Variants in HSPH1 observed in about 807,000 individuals in gnomAD.
The protein encoded by HSPH1 is heat shock protein 105 kDa.
Under a neutral mutation model 100.0 loss-of-function variants are expected in HSPH1, and 40 were observed. The observed-to-expected ratio is 0.40, with a 90% CI of 0.31 to 0.52. The LOEUF (loss-of-function observed/expected upper bound fraction) is 0.52. Ranked by LOEUF, HSPH1 falls within the 20% of genes least tolerant of loss-of-function variation. The pLI, the probability that HSPH1 is intolerant of heterozygous loss-of-function variation, is 0.54. For synonymous variants in HSPH1, 403 were observed against 344.0 expected, an observed-to-expected ratio of 1.17 and a Z score of -1.90; for missense variants, 876 against 1,015.1, an observed-to-expected ratio of 0.86 and a Z score of 1.86.
At chr13:31,153,089 T>C in intron 4 of HSPH1, 138 bp from the exon 5 acceptor site, 1 of 594,510 alleles carries the variant, frequency 1.7e-6, no homozygotes. Context: ...AGGGCTTTAG[T>C]TTTCTGCAAG....
intron 12 of HSPH1, among the ~76,000 whole-genome samples, chr13:31,141,884 T>C (rs1007970372): frequency 2.0e-5 from 3 of 151,740 alleles, no homozygotes; most frequent in Admixed American, 6.6e-5. Context: ...CTTTGCAAGG[T>C]AAAAAGAGAT....
intron 4 of HSPH1, chr13:31,154,184 G>A (rs1956591785): frequency 4.9e-6 from 1 of 206,022 alleles, no homozygotes; most frequent in Non-Finnish European, 1.0e-5. Flanking sequence ...AGTCTAACTA[G>A]TAATTGTCCA....
rs1955921096 is a variant in HSPH1, at chr13:31,137,429, A to G, written c.2466T>C (p.Asp822=). The change falls in exon 18 of 18, where the codon GAT becomes GAC. Residue 822 remains aspartate (D), a synonymous_variant. Transcript: ENST00000320027. Reference sequence around the variant, plus strand: ...TGTCTTCTAAATCTTCTTCCTTTTTATCAATATTTGGGCCATTTGGAGTTC... The same window carrying G: ...TGTCTTCTAAATCTTCTTCCTTTTTGTCAATATTTGGGCCATTTGGAGTTC... ...LERTPNGPNI[D]KKEEDLEDKN... The G allele has an allele frequency of 6.2e-7, 1 of 1,613,492 alleles. No individual in the cohort carries two copies. The highest frequency in any genetic ancestry group is 8.5e-7 in the Non-Finnish European group (1 of 1,179,596).
At chr13:31,152,340 AATC>A (rs1157444066) in intron 5 of HSPH1, 1 of 152,818 alleles carries the variant, frequency 6.5e-6, no homozygotes, top group Non-Finnish European at 1.5e-5. Flanking sequence ...GTTCATCTGT[AATC>A]ATAATAAACT....
At chr13:31,145,461 C>A (rs1956234626) in intron 11 of HSPH1, 102 bp downstream of exon 11, 1 of 820,824 alleles carries the variant, frequency 1.2e-6, no homozygotes. Flanking sequence ...CAAAATTATT[C>A]ATGAAGGAAA....
At chr13:31,148,599 ATTCCAGAATTGT>A (rs1302100330) in intron 8 of HSPH1, 119 bp from the exon 9 acceptor site, 1 of 495,552 alleles carries the variant, frequency 2.0e-6, no homozygotes, top group Non-Finnish European at 3.5e-6. Context: ...AACAACTCAC[ATTCCAGAATTGT>A]TTCCAGTATA....
chr13:31,140,119 G>A, intron 14 of HSPH1, 65 bp downstream of exon 14: 5 of 1,430,330 alleles, frequency 3.5e-6, no homozygotes, highest in Non-Finnish European at 4.7e-6. Flanking sequence ...AGCCTCAACT[G>A]TCAATTTTGA....
intron 13 of HSPH1, chr13:31,140,552 C>CAAAA: frequency 1.6e-5 from 2 of 123,114 alleles, no homozygotes; most frequent in African/African-American, 4.8e-5. Context: ...ATATTTAATG[C>CAAAA]TAAAAAAAAA....
intron 11 of HSPH1, among the ~76,000 whole-genome samples, chr13:31,145,047 T>C (rs754290300): frequency 1.3e-5 from 2 of 152,152 alleles, no homozygotes; most frequent in Admixed American, 6.6e-5. Flanking sequence ...CTAGCACTCA[T>C]GCTAATGATG....
At chr13:31,143,974 T>C in intron 11 of HSPH1, 51 bp from the exon 12 acceptor site, 2 of 1,430,612 alleles carry the variant, frequency 1.4e-6, no homozygotes, top group East Asian at 2.6e-5. Context: ...TGTACTTGTA[T>C]AAATTTTTAA....
At chr13:31,158,670 G>T in intron 2 of HSPH1, 136 bp downstream of exon 2, 1 of 530,396 alleles carries the variant, frequency 1.9e-6, no homozygotes, top group Non-Finnish European at 3.5e-6. Flanking sequence ...GGTTCATAAA[G>T]AATACTTGAA....
At position 31,151,093 on chromosome 13, in the gene HSPH1, C is replaced by T; in HGVS notation, c.762G>A (p.Leu254=). 2 of 1,613,710 alleles carry T rather than the reference C, an allele frequency of 1.2e-6. No individual in the cohort carries two copies. Among genetic ancestry groups the T allele is most frequent in the Non-Finnish European group, 1.7e-6 (2 of 1,179,784 alleles). The change falls in exon 7 of 18, where the codon TTG becomes TTA. Residue 254 remains leucine, a synonymous_variant. Coordinates refer to ENST00000320027, the MANE Select transcript of HSPH1 (RefSeq NM_006644.4). ...FCAEFKTKYK[L]DAKSKIRALL... ...GTGCTCGTATTTTGGATTTTGCATC[C>T]AACTTGTACTTAGTTTTAAATTCTG...
chr13:31,154,834 A>G lies in HSPH1; in HGVS notation c.307-79T>C, dbSNP rs930650914. On this transcript the variant is annotated intron_variant, in intron 3 of 17. Transcript: ENST00000320027. Reference sequence around the variant, plus strand: ...CAATATTTAACTTCCAAAAATTAGCACACATTCCCTTCCACAAAATCTTTA... The same window carrying G: ...CAATATTTAACTTCCAAAAATTAGCGCACATTCCCTTCCACAAAATCTTTA... 11 of 1,210,514 alleles carry G rather than the reference A, an allele frequency of 9.1e-6. No individual in the cohort carries two copies. The East Asian group carries it at 2.4e-4, about 26-fold the overall frequency. The allele number at this position is 1,210,514 out of a possible 1,614,324, so 75.0% of individuals were successfully genotyped here. A position where few individuals can be genotyped will look rare whatever the true frequency, so the allele number is the denominator to read the frequency against.
In HSPH1 at chr13:31,135,009, A is replaced by T. The variant is rs1955850779; in HGVS notation, c.*2309T>A. On this transcript the variant is annotated 3_prime_UTR_variant, in exon 18 of 18. Transcript: ENST00000320027. ...ATGGACGTTGTTTAGAAATATTGTC[A>T]CAAAATGACAATTTAAAATGAATTG... 1 of 152,256 alleles carries T rather than the reference A, an allele frequency of 6.6e-6. No homozygotes were observed. Among genetic ancestry groups the T allele is most frequent in the Non-Finnish European group, 1.5e-5 (1 of 68,046 alleles). 9.4% of individuals were successfully genotyped at this position (152,256 alleles called of 1,614,324 possible). A position where few individuals can be genotyped will look rare whatever the true frequency, so the allele number is the denominator to read the frequency against.
At chr13:31,151,520 A>G in intron 6 of HSPH1, 89 bp downstream of exon 6, 1 of 1,240,084 alleles carries the variant, frequency 8.1e-7, no homozygotes, top group Non-Finnish European at 1.1e-6. Flanking sequence ...TTCATTACCA[A>G]GAAGAAAAAG....
intron 10 of HSPH1, among the ~76,000 whole-genome samples, chr13:31,147,410 C>T (rs1257930405): frequency 6.7e-6 from 1 of 149,470 alleles, no homozygotes; most frequent in African/African-American, 2.4e-5. Flanking sequence ...GCAATATTGG[C>T]AAATTTCACC....
intron 12 of HSPH1, among the ~76,000 whole-genome samples, chr13:31,143,519 C>T (rs775335812): frequency 1.3e-5 from 2 of 152,128 alleles, no homozygotes; most frequent in Non-Finnish European, 2.9e-5. Flanking sequence ...CTTTGAAAGA[C>T]AACGAACAGT....
At chr13:31,138,759 A>C (rs1955977025) in intron 16 of HSPH1, 22 bp downstream of exon 16, 1 of 1,592,912 alleles carries the variant, frequency 6.3e-7, no homozygotes, top group African/African-American at 1.4e-5. Flanking sequence ...CTTCCTCCCT[A>C]TGTACAAAAA....
At chr13:31,160,850 G>T (rs1302644110) in intron 1 of HSPH1, among the ~76,000 whole-genome samples, 1 of 152,192 alleles carries the variant, frequency 6.6e-6, no homozygotes, top group African/African-American at 2.4e-5. Flanking sequence ...TGTTAGCAAC[G>T]AAGAGACTGG....
Sources: allele counts gnomAD v4.1 joint callset (sites outside exome capture counted in the v4.1 genomes callset), GRCh38; gene constraint gnomAD v4.1.1; transcripts MANE v1.5; gene names NCBI Gene and HGNC (gene_info 2026-07-23, HGNC 2026-07-21).